The following HPSE2 variants were observed in gnomAD, a reference collection of about 807,000 sequenced individuals.
HPSE2 encodes the protein inactive heparanase-2.
In HPSE2, 38 loss-of-function variants were observed where a neutral mutation model predicts 60.5. The observed-to-expected ratio is 0.63, with a 90% CI of 0.48 to 0.82. HPSE2 has a LOEUF of 0.82. Ranked by LOEUF, HPSE2 falls within the 40% of genes least tolerant of loss-of-function variation. The pLI is 0.00. For missense variants in HPSE2, 713 were observed against 740.4 expected (o/e 0.96, Z 0.43); for synonymous variants, 295 against 293.2 (o/e 1.01, Z -0.06).
chr10:98,638,798 G>C (rs1946565150), intron 7 of HPSE2, among the ~76,000 whole-genome samples: 1 of 152,112 alleles, frequency 6.6e-6, no homozygotes, highest in South Asian at 2.1e-4. Flanking sequence ...AAATCTCAGG[G>C]AATCTGTTAT....
At chr10:98,464,962 A>G (rs1940465223) in intron 11 of HPSE2, among the ~76,000 whole-genome samples, 1 of 152,212 alleles carries the variant, frequency 6.6e-6, no homozygotes. Flanking sequence ...GATCTATGCG[A>G]CCATCTCTTA....
chr10:98,491,566 T>G (rs1240851898), intron 9 of HPSE2, among the ~76,000 whole-genome samples: 1 of 152,236 alleles, frequency 6.6e-6, no homozygotes, highest in Non-Finnish European at 1.5e-5. Flanking sequence ...TTTTTCTTAC[T>G]GATTTGCAAT....
At chr10:99,239,305 G>A (rs180807417), upstream of HPSE2, among the ~76,000 whole-genome samples, 2 of 151,678 alleles carry the variant, frequency 1.3e-5, no homozygotes, top group African/African-American at 4.8e-5. Context: ...AAGAGCCCAG[G>A]TTCCCAGAAC....
At chr10:99,184,809 T>TATATATATATATAC (rs1847922537) in intron 2 of HPSE2, among the ~76,000 whole-genome samples, 2 of 38,032 alleles carry the variant, frequency 5.3e-5, no homozygotes, top group Non-Finnish European at 1.5e-4. Context: ...TATATATATA[T>TATATATATATATAC]ATATATATAT....
intron 3 of HPSE2, among the ~76,000 whole-genome samples, chr10:98,850,612 C>T (rs1172752068): frequency 1.3e-5 from 2 of 151,920 alleles, no homozygotes; most frequent in African/African-American, 4.8e-5. Context: ...TGGCAGGTGC[C>T]TGTAGTCCCA....
chr10:98,873,592 CT>C (rs956401808), intron 3 of HPSE2, among the ~76,000 whole-genome samples: 1 of 152,192 alleles, frequency 6.6e-6, no homozygotes, highest in South Asian at 2.1e-4. Context: ...TTATGTACCA[CT>C]TTTTCTTTAT....
the HPSE2 span, among the ~76,000 whole-genome samples, chr10:99,310,027 T>C: frequency 3.3e-5 from 5 of 152,324 alleles, no homozygotes; most frequent in East Asian, 5.8e-4. Flanking sequence ...AAATTCTTTA[T>C]CTCTTCCAGT....
chr10:98,937,119 T>C (rs935058576), intron 3 of HPSE2, among the ~76,000 whole-genome samples: 3 of 142,350 alleles, frequency 2.1e-5, no homozygotes, highest in African/African-American at 8.7e-5. Flanking sequence ...GATGGCTGAG[T>C]AGGAACAGCT....
intron 3 of HPSE2, among the ~76,000 whole-genome samples, chr10:98,817,696 T>G (rs1951323852): frequency 1.3e-5 from 2 of 152,308 alleles, no homozygotes; most frequent in South Asian, 4.1e-4. Flanking sequence ...ACTCTAAAGC[T>G]TCCCTTGATT....
intron 3 of HPSE2, among the ~76,000 whole-genome samples, chr10:98,947,071 G>A (rs562220581): frequency 6.6e-6 from 1 of 151,950 alleles, no homozygotes; most frequent in Non-Finnish European, 1.5e-5. Flanking sequence ...TACAAGAAAA[G>A]GTTGAATTGC....
At chr10:98,892,721 T>C (rs1046604848) in intron 3 of HPSE2, among the ~76,000 whole-genome samples, 4 of 152,202 alleles carry the variant, frequency 2.6e-5, no homozygotes, top group Non-Finnish European at 5.9e-5. Context: ...TAAATTGCCT[T>C]ATGACAAGTC....
chr10:98,658,636 T>G (rs1333797391), intron 6 of HPSE2, among the ~76,000 whole-genome samples: 2 of 152,206 alleles, frequency 1.3e-5, no homozygotes, highest in Admixed American at 6.5e-5. Flanking sequence ...TATTTTATGC[T>G]TTCTTCCGAA....
chr10:99,196,250 A>C (rs1848393326), intron 2 of HPSE2, among the ~76,000 whole-genome samples: 1 of 152,174 alleles, frequency 6.6e-6, no homozygotes, highest in Non-Finnish European at 1.5e-5. Flanking sequence ...AAACTATGAA[A>C]CTACTAAAAG....
intron 3 of HPSE2, among the ~76,000 whole-genome samples, chr10:98,969,074 T>C (rs1955884796): frequency 1.3e-5 from 2 of 152,186 alleles, no homozygotes; most frequent in African/African-American, 4.8e-5. Flanking sequence ...GGTAAGTATT[T>C]TTAACATAAA....
chr10:99,165,213 C>A (rs1847028358), intron 2 of HPSE2, among the ~76,000 whole-genome samples: 1 of 151,330 alleles, frequency 6.6e-6, no homozygotes, highest in South Asian at 2.1e-4. Context: ...AATATACATA[C>A]AAAGTAGTTT....
At chr10:99,137,525 G>A (rs1322419021) in intron 3 of HPSE2, among the ~76,000 whole-genome samples, 3 of 152,152 alleles carry the variant, frequency 2.0e-5, no homozygotes, top group Non-Finnish European at 2.9e-5. Flanking sequence ...AAAACAGCAT[G>A]GTACTGGTAC....
At chr10:98,984,487 T>G (rs1281051189) in intron 3 of HPSE2, among the ~76,000 whole-genome samples, 1 of 152,024 alleles carries the variant, frequency 6.6e-6, no homozygotes. Flanking sequence ...CAAAACCCCA[T>G]CTGTACGTCA....
At chr10:98,766,584 C>A (rs1264935142) in intron 3 of HPSE2, among the ~76,000 whole-genome samples, 2 of 152,014 alleles carry the variant, frequency 1.3e-5, no homozygotes, top group African/African-American at 4.8e-5. Flanking sequence ...AATAACACAA[C>A]CAAGTGGAGT....
intron 3 of HPSE2, among the ~76,000 whole-genome samples, chr10:98,898,069 C>T (rs1953547568): frequency 6.6e-6 from 1 of 152,084 alleles, no homozygotes; most frequent in South Asian, 2.1e-4. Context: ...AGAAGACATA[C>T]AGATGGCAAA....
Sources: allele counts gnomAD v4.1 joint callset (sites outside exome capture counted in the v4.1 genomes callset), GRCh38; gene constraint gnomAD v4.1.1; transcripts MANE v1.5; gene names NCBI Gene and HGNC (gene_info 2026-07-23, HGNC 2026-07-21).